The following PHC2 variants were observed in gnomAD, a reference collection of about 807,000 sequenced individuals.
PHC2 encodes polyhomeotic-like protein 2.
Under a neutral mutation model 87.4 loss-of-function variants are expected in PHC2, and 29 were observed. The observed-to-expected ratio is 0.33, with a 90% CI of 0.25 to 0.45. PHC2 has a LOEUF of 0.45. PHC2 is among the 20% of genes least tolerant of loss of function. The probability of loss-of-function intolerance (pLI) is 1.00; values close to 1 mark genes in which losing one functional copy is unlikely to be tolerated. For missense variants in PHC2, 857 were observed against 1,136.7 expected (o/e 0.75, Z 3.54); for synonymous variants, 438 against 461.7 (o/e 0.95, Z 0.66).
intron 1 of PHC2, among the ~76,000 whole-genome samples, 183 bp downstream of exon 1, chr1:33,430,793 C>G (rs1310428662): frequency 1.3e-5 from 2 of 150,242 alleles, no homozygotes; most frequent in East Asian, 3.9e-4. Context: ...GGCCGCCTGC[C>G]GCCCGCCTGT....
At chr1:33,430,181 G>A (rs1266259595) in intron 1 of PHC2, among the ~76,000 whole-genome samples, 1 of 152,166 alleles carries the variant, frequency 6.6e-6, no homozygotes, top group African/African-American at 2.4e-5. Flanking sequence ...AGACACTCAC[G>A]TAGAACAGCC....
At position 33,364,469 on chromosome 1, in the gene PHC2, A is replaced by G. The variant is rs1377640652; in HGVS notation, c.976+2647T>C. 2.0e-5 allele frequency among the ~76,000 whole-genome samples: 3 copies of G among 151,786 alleles called. No homozygotes were observed. Among genetic ancestry groups the G allele is most frequent in the African/African-American group, 4.8e-5 (2 of 41,286 alleles). On this transcript the variant is annotated intron_variant, in intron 7 of 14. Coordinates refer to ENST00000683057, the MANE Select transcript of PHC2 (RefSeq NM_001385109.1). This position sits in a 1 kb window ranked among gnomAD's most constrained non-coding sequence, Gnocchi z 4.1. ...CTCCTGCTCTCAGATCCCTTGGTTC[A>G]TTGACAGTGGGTTGGCTGGGCAGGA...
intron 1 of PHC2, among the ~76,000 whole-genome samples, chr1:33,402,894 C>T (rs1045822397): frequency 1.8e-4 from 27 of 151,838 alleles, no homozygotes; most frequent in African/African-American, 6.0e-4. Context: ...GGCGCGATCT[C>T]GCCTCCTGGG....
chr1:33,364,408 A>ACACG lies in PHC2; in HGVS notation c.976+2707_976+2708insCGTG, dbSNP rs1553186425. ...CTTGCTTTCACACACACACACACAC[A>ACACG]CACACACACACACACACGCTCAAGC... On this transcript the variant is annotated intron_variant, in intron 7 of 14. Coordinates refer to ENST00000683057, the MANE Select transcript of PHC2 (RefSeq NM_001385109.1). The surrounding 1 kb of genome is among the most constrained non-coding windows in gnomAD (Gnocchi z 4.1). Among the ~76,000 whole-genome samples the ACACG allele has an allele frequency of 1.7e-3, 199 of 113,716 alleles. No individual in the cohort carries two copies. Among genetic ancestry groups the ACACG allele is most frequent in the African/African-American group, 8.0e-3 (176 of 22,002 alleles). The allele number at this position is 113,716 out of a possible 152,430, so 74.6% of individuals were successfully genotyped here.
At position 33,364,991 on chromosome 1, in the gene PHC2, A is replaced by C. The variant is rs1427948897; in HGVS notation, c.976+2125T>G. 6.6e-6 allele frequency among the ~76,000 whole-genome samples: 1 copy of C among 152,236 alleles called. No individual in the cohort carries two copies. Among genetic ancestry groups the C allele is most frequent in the African/African-American group, 2.4e-5 (1 of 41,466 alleles). On this transcript the variant is annotated intron_variant, in intron 7 of 14. Coordinates refer to ENST00000683057, the MANE Select transcript of PHC2 (RefSeq NM_001385109.1). The surrounding 1 kb of genome is among the most constrained non-coding windows in gnomAD (Gnocchi z 4.1). ...CCAGATACTTTCAGCTTTGGGTCAG[A>C]AACAGGAAAGGCTGAGGAGGCCCCA...
At chr1:33,395,405 T>C (rs1649253029) in intron 1 of PHC2, among the ~76,000 whole-genome samples, 1 of 152,086 alleles carries the variant, frequency 6.6e-6, no homozygotes, top group African/African-American at 2.4e-5. Context: ...ATAGTGTTTT[T>C]CAAATTTGTG....
intron 1 of PHC2, among the ~76,000 whole-genome samples, chr1:33,383,144 C>T (rs1314591070): frequency 6.6e-6 from 1 of 152,164 alleles, no homozygotes; most frequent in Non-Finnish European, 1.5e-5. Context: ...ATTCAGACTC[C>T]CTAGACTTAG....
intron 12 of PHC2, among the ~76,000 whole-genome samples, chr1:33,330,546 A>G (rs1646468704): frequency 6.6e-6 from 1 of 152,322 alleles, no homozygotes; most frequent in South Asian, 2.1e-4. Context: ...TTACCCTGTG[A>G]CGGGAAACTA....
chr1:33,393,869 CAA>C (rs1444412313), intron 1 of PHC2, among the ~76,000 whole-genome samples: 3 of 152,126 alleles, frequency 2.0e-5, no homozygotes, highest in African/African-American at 7.2e-5. Context: ...ACTTGTAAGA[CAA>C]GAGGTAATTA....
chr1:33,333,480 GGT>G (rs1646551001), intron 10 of PHC2: 2 of 156,768 alleles, frequency 1.3e-5, no homozygotes, highest in Middle Eastern at 3.2e-3. Flanking sequence ...AGCAGCTCTG[GGT>G]GCTTTGGTCA....
Position 33,332,965 on chromosome 1 carries a change from G to A in PHC2, c.1762-561C>T, listed in dbSNP as rs747357964. Among the ~76,000 whole-genome samples, 10 of 152,120 alleles carry A rather than the reference G, an allele frequency of 6.6e-5. No individual in the cohort carries two copies. The highest frequency in any genetic ancestry group is 1.5e-4 in the Non-Finnish European group (10 of 68,024). Reference sequence around the variant, plus strand: ...GAACCCCAGAGCAGCTTATTTACGCGTTTAGATCTCCTTTTGTGGCCTGTG... The same window carrying A: ...GAACCCCAGAGCAGCTTATTTACGCATTTAGATCTCCTTTTGTGGCCTGTG... On this transcript the variant is annotated intron_variant, in intron 10 of 14. Coordinates refer to ENST00000683057, the MANE Select transcript of PHC2 (RefSeq NM_001385109.1). The surrounding 1 kb of genome is among the most constrained non-coding windows in gnomAD (Gnocchi z 4.2).
At position 33,361,405 on chromosome 1, in the gene PHC2, A is replaced by ATC. The variant is rs1647191715; in HGVS notation, c.976+5709_976+5710dup. ...GCCCAGGCTGTAGTGCAATGGCATGATCTCTGCTCACTGCAACCTCCGCCT... is the reference window on the plus strand; with the variant it reads ...GCCCAGGCTGTAGTGCAATGGCATGATCTCTCTGCTCACTGCAACCTCCGCCT... On this transcript the variant is annotated intron_variant, in intron 7 of 14. Transcript: ENST00000683057. Among the ~76,000 whole-genome samples the ATC allele has an allele frequency of 2.6e-5, 4 of 152,142 alleles. No homozygotes were observed. The South Asian group carries it at 8.3e-4, about 32-fold the overall frequency.
intron 9 of PHC2, among the ~76,000 whole-genome samples, chr1:33,337,521 T>G (rs1184122814): frequency 1.3e-5 from 2 of 152,206 alleles, no homozygotes; most frequent in Non-Finnish European, 2.9e-5. Context: ...GGGCAAGTCA[T>G]TGTCCCTCTC....
In PHC2 at chr1:33,331,522, G is replaced by T; in HGVS notation, c.1892-60C>A. 2 of 990,550 alleles carry T rather than the reference G, an allele frequency of 2.0e-6. No homozygotes were observed. Among genetic ancestry groups the T allele is most frequent in the South Asian group, 2.7e-5 (2 of 74,154 alleles). The allele number at this position is 990,550 out of a possible 1,614,324, so 61.4% of individuals were successfully genotyped here. A position where few individuals can be genotyped will look rare whatever the true frequency, so the allele number is the denominator to read the frequency against. ...AGAAATTCCTGCAGGACTGTGGCCA[G>T]CCCCACCACGGGGCCTCCCTACTCC... On this transcript the variant is annotated intron_variant, in intron 11 of 14. Coordinates refer to ENST00000683057, the MANE Select transcript of PHC2 (RefSeq NM_001385109.1). The surrounding 1 kb of genome is among the most constrained non-coding windows in gnomAD (Gnocchi z 5.2).
At chr1:33,335,956 G>A (rs954939197) in intron 9 of PHC2, among the ~76,000 whole-genome samples, 2 of 151,340 alleles carry the variant, frequency 1.3e-5, no homozygotes, top group African/African-American at 4.9e-5. Flanking sequence ...ATGGGTCTTG[G>A]TCCACTCAAG....
intron 9 of PHC2, among the ~76,000 whole-genome samples, chr1:33,348,521 A>G (rs1269207309): frequency 2.6e-5 from 4 of 152,212 alleles, no homozygotes; most frequent in African/African-American, 9.7e-5. Context: ...TATTTTTTAA[A>G]CCAAAAATGG....
chr1:33,417,111 C>T lies in PHC2; in HGVS notation c.-55+13865G>A, dbSNP rs111613455. Among the ~76,000 whole-genome samples, 4 of 151,590 alleles carry T rather than the reference C, an allele frequency of 2.6e-5. 1 individual carries two copies. The highest frequency in any genetic ancestry group is 9.7e-5 in the African/African-American group (4 of 41,348). ...TATGTTATAAACAGGAGGACAAATA[C>T]TAAGAAAAGATAAAACAAAGACACA... On this transcript the variant is annotated intron_variant, in intron 1 of 14. Transcript: ENST00000683057.
rs776821844 is a variant in PHC2, at chr1:33,332,638, C to G, written c.1762-234G>C. 4 of 525,980 alleles carry G rather than the reference C, an allele frequency of 7.6e-6. No homozygotes were observed. The highest frequency in any genetic ancestry group is 1.4e-5 in the Non-Finnish European group (4 of 290,474). The allele number at this position is 525,980 out of a possible 1,614,324, so 32.6% of individuals were successfully genotyped here. ...AGGGATGGCTTCTGTCCAGGACCAA[C>G]GGATGGCTCAGGAGATTAGGAAAAT... is the stretch of plus-strand genomic sequence containing the variant. On this transcript the variant is annotated intron_variant, in intron 10 of 14. Transcript: ENST00000683057. The surrounding 1 kb of genome is among the most constrained non-coding windows in gnomAD (Gnocchi z 4.2).
intron 1 of PHC2, among the ~76,000 whole-genome samples, chr1:33,428,378 G>A (rs1051828025): frequency 4.6e-5 from 7 of 152,194 alleles, no homozygotes; most frequent in African/African-American, 1.4e-4. Context: ...TTAGCAGACC[G>A]TATTAAGCAT....
Sources: gnomAD v4.1 joint callset for allele counts (sites outside exome capture counted in the v4.1 genomes callset) on GRCh38, gnomAD v4.1.1 for gene constraint, Gnocchi (gnomAD v3.1) non-coding constraint, MANE v1.5 for transcripts, NCBI Gene and HGNC (gene_info 2026-07-23, HGNC 2026-07-21) for gene names.